Variants in ACTR3C observed in about 807,000 individuals in gnomAD.
ACTR3C encodes actin-related protein 3C.
ACTR3C carries 18 observed loss-of-function variants against 26.3 expected under a neutral mutation model. The ratio of observed to expected loss-of-function variants is 0.68; its 90% CI spans 0.47 to 1.01. The LOEUF (loss-of-function observed/expected upper bound fraction) is 1.01. ACTR3C is among the 50% of genes least tolerant of loss of function. ACTR3C has a pLI of 0.00. For synonymous variants in ACTR3C, 55 were observed against 94.5 expected (o/e 0.58, Z 2.42); for missense variants, 184 against 250.7 (o/e 0.73, Z 1.80).
At chr7:150,134,968 C>G in the ACTR3C span, among the ~76,000 whole-genome samples, 2 of 152,216 alleles carry the variant, frequency 1.3e-5, no homozygotes, top group South Asian at 4.1e-4. Flanking sequence ...GCTACAGGTT[C>G]TGTTACCACT....
the ACTR3C span, among the ~76,000 whole-genome samples, chr7:150,000,266 C>A: frequency 6.7e-6 from 1 of 148,500 alleles, no homozygotes; most frequent in African/African-American, 2.5e-5. Flanking sequence ...CTTTATAAAC[C>A]AAAAGCATAA....
At chr7:150,090,838 T>C in the ACTR3C span, among the ~76,000 whole-genome samples, 1 of 152,114 alleles carries the variant, frequency 6.6e-6, no homozygotes. Context: ...CATGCTTGGG[T>C]TATATAATTT....
At chr7:150,169,760 A>G in the ACTR3C span, among the ~76,000 whole-genome samples, 1 of 150,878 alleles carries the variant, frequency 6.6e-6, no homozygotes, top group Non-Finnish European at 1.5e-5. Context: ...ATAGTAAATT[A>G]TGAACTTTCT....
the ACTR3C span, among the ~76,000 whole-genome samples, chr7:150,159,200 A>G: frequency 6.6e-6 from 1 of 152,122 alleles, no homozygotes; most frequent in African/African-American, 2.4e-5. Flanking sequence ...ATCAAAAAGA[A>G]AGGAGCCAGT....
chr7:150,224,134 A>G, the ACTR3C span, among the ~76,000 whole-genome samples: 1 of 152,170 alleles, frequency 6.6e-6, no homozygotes, highest in South Asian at 2.1e-4. Flanking sequence ...ACAGTTCACC[A>G]CTTATGCTTT....
chr7:150,136,085 T>A, the ACTR3C span, among the ~76,000 whole-genome samples: 2 of 152,194 alleles, frequency 1.3e-5, no homozygotes, highest in African/African-American at 4.8e-5. Flanking sequence ...CACTGAGACC[T>A]CTGAGCAGCT....
chr7:150,293,483 C>T (rs558926834), intron 2 of ACTR3C, 64 bp from the exon 3 acceptor site: 1 of 1,480,726 alleles, frequency 6.8e-7, no homozygotes, highest in African/African-American at 1.4e-5. Flanking sequence ...CTGCCTGCTC[C>T]TTCCAGGTCC....
At chr7:150,127,403 A>G in the ACTR3C span, among the ~76,000 whole-genome samples, 69 of 152,190 alleles carry the variant, frequency 4.5e-4, no homozygotes, top group Non-Finnish European at 8.4e-4. Context: ...GATTATGCCT[A>G]CTTGGCTGCA....
chr7:150,070,599 C>T, the ACTR3C span, among the ~76,000 whole-genome samples: 3 of 152,044 alleles, frequency 2.0e-5, no homozygotes, highest in African/African-American at 4.8e-5. Context: ...TACAGGTGTG[C>T]GCCGCCACGC....
At chr7:150,201,769 TTC>T in the ACTR3C span, among the ~76,000 whole-genome samples, 1 of 152,002 alleles carries the variant, frequency 6.6e-6, no homozygotes, top group African/African-American at 2.4e-5. Context: ...AAAAAAAAGT[TTC>T]TCACTTTTTT....
chr7:150,116,339 A>C, the ACTR3C span, among the ~76,000 whole-genome samples: 714 of 152,316 alleles, frequency 4.7e-3, 7 homozygotes, highest in African/African-American at 0.016. Flanking sequence ...GCTTCTTAGG[A>C]TACCAGAATT....
the ACTR3C span, among the ~76,000 whole-genome samples, chr7:150,059,369 ATTAT>A: frequency 6.6e-6 from 1 of 152,156 alleles, no homozygotes; most frequent in African/African-American, 2.4e-5. Context: ...TTCCCACCTG[ATTAT>A]TTGTTATTGT....
chr7:150,036,853 G>T, the ACTR3C span, among the ~76,000 whole-genome samples: 2,571 of 121,124 alleles, frequency 0.021, 147 homozygotes, highest in African/African-American at 0.071. Context: ...ACGATGGGGG[G>T]TCCTAAGCCA....
At chr7:149,896,327 C>T in the ACTR3C span, among the ~76,000 whole-genome samples, 1 of 152,196 alleles carries the variant, frequency 6.6e-6, no homozygotes, top group Non-Finnish European at 1.5e-5. Context: ...TGAGCACTTA[C>T]TAGTTAGCTG....
chr7:150,232,736 T>C, the ACTR3C span, among the ~76,000 whole-genome samples: 22 of 148,864 alleles, frequency 1.5e-4, no homozygotes, highest in Non-Finnish European at 2.5e-4. Flanking sequence ...GGCAGGAGAA[T>C]CACTTGAACC....
chr7:150,007,584 A>C, the ACTR3C span, among the ~76,000 whole-genome samples: 1 of 152,236 alleles, frequency 6.6e-6, no homozygotes, highest in Admixed American at 6.5e-5. Flanking sequence ...ACCTCAGATA[A>C]CCACATTCTG....
chr7:149,919,785 T>C, the ACTR3C span, among the ~76,000 whole-genome samples: 2 of 152,236 alleles, frequency 1.3e-5, no homozygotes, highest in Non-Finnish European at 2.9e-5. Context: ...AATTTTACTT[T>C]TACTTTTACA....
chr7:150,102,509 C>T, the ACTR3C span, among the ~76,000 whole-genome samples: 587 of 152,086 alleles, frequency 3.9e-3, 2 homozygotes, highest in African/African-American at 0.014. Context: ...CCTAGAGATA[C>T]GTCTTTGTGA....
At chr7:150,093,875 C>T in the ACTR3C span, among the ~76,000 whole-genome samples, 3 of 151,020 alleles carry the variant, frequency 2.0e-5, no homozygotes, top group South Asian at 4.1e-4. Context: ...TTAATAATTA[C>T]AGCAAACAAT....
Sources: gnomAD v4.1 joint callset for allele counts (sites outside exome capture counted in the v4.1 genomes callset) on GRCh38, gnomAD v4.1.1 for gene constraint, MANE v1.5 for transcripts, NCBI Gene and HGNC (gene_info 2026-07-23, HGNC 2026-07-21) for gene names.